The following DLGAP1 variants were observed in gnomAD, a reference collection of about 807,000 sequenced individuals.
DLGAP1 encodes disks large-associated protein 1.
A neutral mutation model predicts 90.8 loss-of-function variants in DLGAP1; 11 were observed. That is an observed-to-expected ratio of 0.12 (90% confidence interval 0.08 to 0.20). The LOEUF is 0.20. DLGAP1 is among the 10% of genes least tolerant of loss of function. DLGAP1 has a pLI of 1.00. For missense variants in DLGAP1, 1,050 were observed against 1,333.8 expected (o/e 0.79, Z 3.31); for synonymous variants, 558 against 540.7 (o/e 1.03, Z -0.44).
rs1323432891 is a variant in DLGAP1 at position 3,678,530 on chromosome 18, ACTT to A, written c.1591+50602_1591+50604del. Among the ~76,000 whole-genome samples the A allele has an allele frequency of 1.2e-4, 18 of 152,276 alleles. No homozygotes were observed. In the East Asian group the frequency reaches 1.5e-3, roughly 13 times the overall value. ...GTGTCTTATCTTCCTAATAGGCTGAACTTCTTGAGGATGCTTGTATTTGTTCTT... is the reference window on the plus strand; with the variant it reads ...GTGTCTTATCTTCCTAATAGGCTGAACTTGAGGATGCTTGTATTTGTTCTT... On this transcript the variant is annotated intron_variant, in intron 7 of 12. Transcript: ENST00000315677.
intron 9 of DLGAP1, among the ~76,000 whole-genome samples, chr18:3,547,027 C>T (rs1382930702): frequency 6.6e-6 from 1 of 151,622 alleles, no homozygotes; most frequent in African/African-American, 2.4e-5. Context: ...GAGAGCCGGG[C>T]GCGGTGGCTC....
rs1355357997 is a variant in DLGAP1, at chr18:3,660,488, AAC to A, written c.1591+68645_1591+68646del. ...GCCCAGAAATTTGTAGCATAGAGCA[AAC>A]ACACAAAAAATATTTACTGAATGAA... On this transcript the variant is annotated intron_variant, in intron 7 of 12. Coordinates refer to ENST00000315677, the MANE Select transcript of DLGAP1 (RefSeq NM_004746.4). This position sits in a 1 kb window ranked among gnomAD's most constrained non-coding sequence, Gnocchi z 4.2. 6.6e-6 allele frequency among the ~76,000 whole-genome samples: 1 copy of A among 152,118 alleles called. No individual in the cohort carries two copies. Among genetic ancestry groups the A allele is most frequent in the African/African-American group, 2.4e-5 (1 of 41,332 alleles).
At chr18:3,706,280 G>A (rs1302122086) in intron 7 of DLGAP1, among the ~76,000 whole-genome samples, 1 of 152,178 alleles carries the variant, frequency 6.6e-6, no homozygotes, top group Non-Finnish European at 1.5e-5. Context: ...TTACAGGCGT[G>A]AGCCACCACG....
At chr18:3,523,595 C>G (rs763690811) in intron 10 of DLGAP1, among the ~76,000 whole-genome samples, 10 of 151,876 alleles carry the variant, frequency 6.6e-5, no homozygotes, top group South Asian at 2.1e-4. Flanking sequence ...CGCCTGTAAT[C>G]CCAGCACTTT....
chr18:4,444,768 T>C (rs1236569658), intron 1 of DLGAP1, among the ~76,000 whole-genome samples: 1 of 152,180 alleles, frequency 6.6e-6, no homozygotes, highest in African/African-American at 2.4e-5. Context: ...TACAGTATGG[T>C]TAATAGCACT....
At chr18:3,652,072 G>A (rs1007232668) in intron 7 of DLGAP1, among the ~76,000 whole-genome samples, 2 of 151,218 alleles carry the variant, frequency 1.3e-5, no homozygotes, top group Non-Finnish European at 2.9e-5. Context: ...GCTGAGGCAC[G>A]AGAATTGCTT....
chr18:3,548,487 G>A (rs1354246164), intron 9 of DLGAP1, among the ~76,000 whole-genome samples: 2 of 151,140 alleles, frequency 1.3e-5, no homozygotes, highest in Non-Finnish European at 2.9e-5. Flanking sequence ...AAAGCTAGCC[G>A]GGCACAGTGG....
At chr18:3,913,886 A>C (rs1184339437) in intron 3 of DLGAP1, among the ~76,000 whole-genome samples, 1 of 152,216 alleles carries the variant, frequency 6.6e-6, no homozygotes, top group East Asian at 1.9e-4. Context: ...AAACCAAAAG[A>C]ATAATACTGA....
At chr18:3,836,013 C>T (rs1359832106) in intron 4 of DLGAP1, among the ~76,000 whole-genome samples, 1 of 152,064 alleles carries the variant, frequency 6.6e-6, no homozygotes, top group Admixed American at 6.6e-5. Flanking sequence ...TAGCAACCTG[C>T]CAAAAATGAG....
In DLGAP1 at chr18:4,024,645, G is replaced by C. The variant is rs182877084; in HGVS notation, c.-158-19444C>G. Reference sequence around the variant, plus strand: ...GCAATTCTTTTATGTACCCAGAAAGGGGGGAGAAATATTGGGTAAAGACTA... The same window carrying C: ...GCAATTCTTTTATGTACCCAGAAAGCGGGGAGAAATATTGGGTAAAGACTA... On this transcript the variant is annotated intron_variant, in intron 2 of 12. Coordinates refer to ENST00000315677, the MANE Select transcript of DLGAP1 (RefSeq NM_004746.4). Among the ~76,000 whole-genome samples, 983 of 152,276 alleles carry C rather than the reference G, an allele frequency of 6.5e-3. 9 individuals are homozygous for C. The highest frequency in any genetic ancestry group is 0.032 in the South Asian group (152 of 4,824).
chr18:3,758,169 T>A (rs1200413259), intron 5 of DLGAP1, among the ~76,000 whole-genome samples: 1 of 151,664 alleles, frequency 6.6e-6, no homozygotes, highest in African/African-American at 2.4e-5. Context: ...TCACTTCATT[T>A]CAGCATCATT....
chr18:4,246,048 A>G (rs1329226067), intron 1 of DLGAP1, among the ~76,000 whole-genome samples: 1 of 152,230 alleles, frequency 6.6e-6, no homozygotes, highest in African/African-American at 2.4e-5. Flanking sequence ...AACCTTCCCT[A>G]TACGTCTTCA....
chr18:3,507,311 C>A (rs193009120), intron 11 of DLGAP1, among the ~76,000 whole-genome samples: 1 of 144,572 alleles, frequency 6.9e-6, no homozygotes, highest in Admixed American at 7.3e-5. Flanking sequence ...CCATGAAAAC[C>A]CGTCTCTACT....
chr18:4,145,551 A>G (rs1029046607), intron 2 of DLGAP1, among the ~76,000 whole-genome samples: 1 of 152,194 alleles, frequency 6.6e-6, no homozygotes, highest in Admixed American at 6.5e-5. Context: ...CCAATATCAA[A>G]ATGACAACTG....
At chr18:4,174,826 T>C (rs2077080490) in intron 1 of DLGAP1, among the ~76,000 whole-genome samples, 2 of 152,312 alleles carry the variant, frequency 1.3e-5, no homozygotes, top group East Asian at 1.9e-4. Flanking sequence ...TGTGTTCTCA[T>C]TGTTCAACTC....
In DLGAP1 at chr18:4,213,988, G is replaced by A. The variant is rs115876835; in HGVS notation, c.-266-62701C>T. Among the ~76,000 whole-genome samples, 1,175 of 152,200 alleles carry A rather than the reference G, an allele frequency of 7.7e-3. 20 individuals carry two copies. Among genetic ancestry groups the A allele is most frequent in the African/African-American group, 0.027 (1,114 of 41,548 alleles). On this transcript the variant is annotated intron_variant, in intron 1 of 12. Transcript: ENST00000315677. ...AAAGAGTCTCCTGAGACTGTGGCCC[G>A]AGAAATTTCAGTGGACACCAGAGTG... is the stretch of plus-strand genomic sequence containing the variant.
chr18:3,559,208 G>A (rs1174636128), intron 9 of DLGAP1, among the ~76,000 whole-genome samples: 3 of 152,206 alleles, frequency 2.0e-5, no homozygotes, highest in Non-Finnish European at 4.4e-5. Flanking sequence ...TGATTCAGAT[G>A]ATTCTGATGT....
intron 7 of DLGAP1, among the ~76,000 whole-genome samples, chr18:3,591,191 A>G (rs571394528): frequency 6.6e-6 from 1 of 152,282 alleles, no homozygotes; most frequent in South Asian, 2.1e-4. Context: ...TTAAGAATAT[A>G]TTCAAGAGGT....
chr18:3,629,741 G>T (rs1299900842), intron 7 of DLGAP1, among the ~76,000 whole-genome samples: 1 of 152,008 alleles, frequency 6.6e-6, no homozygotes, highest in Non-Finnish European at 1.5e-5. Context: ...AACCTGGTAG[G>T]TGTGTATTGG....
Sources: allele counts gnomAD v4.1 joint callset (sites outside exome capture counted in the v4.1 genomes callset), GRCh38; gene constraint gnomAD v4.1.1; non-coding constraint Gnocchi (gnomAD v3.1); transcripts MANE v1.5; gene names NCBI Gene and HGNC (gene_info 2026-07-23, HGNC 2026-07-21).